The following TARS2 variants were observed in gnomAD, a reference collection of about 807,000 sequenced individuals.
The protein encoded by TARS2 is threonine--tRNA ligase, mitochondrial.
TARS2 carries 61 observed loss-of-function variants against 94.4 expected under a neutral mutation model. The ratio of observed to expected loss-of-function variants is 0.65; its 90% CI spans 0.53 to 0.80. The LOEUF (loss-of-function observed/expected upper bound fraction) is 0.80, where lower values mean the gene tolerates loss of function less well. TARS2 is among the 30% of genes least tolerant of loss of function. The pLI is 0.00. For synonymous variants in TARS2, 359 were observed against 353.4 expected, an observed-to-expected ratio of 1.02 and a Z score of -0.18; for missense variants, 704 against 902.5, an observed-to-expected ratio of 0.78 and a Z score of 2.82.
At chr1:150,501,147 A>T (rs1360120638) in intron 13 of TARS2, among the ~76,000 whole-genome samples, 2 of 151,796 alleles carry the variant, frequency 1.3e-5, no homozygotes, top group Admixed American at 6.6e-5. Context: ...GGGGCTGAAG[A>T]TATGAAGAAA....
rs587626995 is a variant in TARS2, at chr1:150,499,555, G to T, written c.1617+262G>T. On this transcript the variant is annotated intron_variant, in intron 13 of 17. Coordinates refer to ENST00000369064, the MANE Select transcript of TARS2 (RefSeq NM_025150.5). Reference sequence around the variant, plus strand: ...ATTTTTTTGTATTTTTAATAGAGATGGGGTTTCGCCATGTTGGCCAGACTG... The same window carrying T: ...ATTTTTTTGTATTTTTAATAGAGATTGGGTTTCGCCATGTTGGCCAGACTG... 2.0e-5 allele frequency among the ~76,000 whole-genome samples: 3 copies of T among 151,954 alleles called. No individual in the cohort carries two copies. In the East Asian group the frequency reaches 5.8e-4, roughly 29 times the overall value.
Position 150,499,200 on chromosome 1 carries a change from T to C in TARS2, c.1540-16T>C. The C allele has an allele frequency of 6.2e-7, 1 of 1,614,066 alleles. No individual in the cohort carries two copies. The highest frequency in any genetic ancestry group is 8.5e-7 in the Non-Finnish European group (1 of 1,179,964). On this transcript the variant is annotated splice_polypyrimidine_tract_variant and intron_variant, in intron 12 of 17. Coordinates refer to ENST00000369064, the MANE Select transcript of TARS2 (RefSeq NM_025150.5). ...TCTAAGATGATGTATTCCACTCTTGTCTCATTCCTTCAAAGGTCCTTAAAC... is the reference window on the plus strand; with the variant it reads ...TCTAAGATGATGTATTCCACTCTTGCCTCATTCCTTCAAAGGTCCTTAAAC...
intron 13 of TARS2, 139 bp downstream of exon 13, chr1:150,499,432 C>T (rs1044296949): frequency 1.3e-5 from 10 of 745,438 alleles, no homozygotes; most frequent in Non-Finnish European, 1.9e-5. Flanking sequence ...GGTGTGATCT[C>T]AGCTCACTGC....
chr1:150,490,112 G>GTA (rs1669315849), intron 3 of TARS2, among the ~76,000 whole-genome samples: 4 of 94,382 alleles, frequency 4.2e-5, no homozygotes, highest in Admixed American at 3.1e-4. Context: ...TTTCTATTCA[G>GTA]TCTTTTTTTT....
At position 150,498,907 on chromosome 1, in the gene TARS2, A is replaced by C; in HGVS notation, c.1412A>C (p.Glu471Ala). The change falls in exon 12 of 18, where the codon GAG becomes GCG. Residue 471 changes from glutamate to alanine, a missense_variant. By Grantham distance (107) the Glu-to-Ala change is moderately radical. Transcript: ENST00000369064. Reference sequence around the variant, plus strand: ...ATTTCCTGCCCCTAGCTGGAAGCAGAGATCCAAAGCTGTCTTGATTTCCTC... The same window carrying C: ...ATTTCCTGCCCCTAGCTGGAAGCAGCGATCCAAAGCTGTCTTGATTTCCTC... ...IFCTTDQLEA[E>A]IQSCLDFLRS... 6.2e-7 allele frequency: 1 copy of C among 1,614,184 alleles called. No homozygotes were observed. The highest frequency in any genetic ancestry group is 8.5e-7 in the Non-Finnish European group (1 of 1,180,042).
intron 17 of TARS2, among the ~76,000 whole-genome samples, chr1:150,505,921 C>T (rs587771052): frequency 8.5e-5 from 13 of 152,312 alleles, no homozygotes; most frequent in African/African-American, 2.9e-4. Context: ...AATAGTTTTC[C>T]TCTTTTTAAC....
At position 150,506,486 on chromosome 1, in the gene TARS2, GCACA is replaced by G. The variant is rs10581752; in HGVS notation, c.2009-403_2009-400del. Among the ~76,000 whole-genome samples, 587 of 123,626 alleles carry G rather than the reference GCACA, an allele frequency of 4.7e-3. 9 individuals carry two copies. Among genetic ancestry groups the G allele is most frequent in the Middle Eastern group, 0.024 (6 of 248 alleles). The allele number at this position is 123,626 out of a possible 152,430, so 81.1% of individuals were successfully genotyped here. A position where few individuals can be genotyped will look rare whatever the true frequency, so the allele number is the denominator to read the frequency against. ...TAATACCCCCTTCAGACACGCGCGC[GCACA>G]CACACACACACACACACACACACAC... On this transcript the variant is annotated intron_variant, in intron 17 of 17. Transcript: ENST00000369064.
chr1:150,495,051 C>T (rs1188066759), intron 7 of TARS2, among the ~76,000 whole-genome samples: 4 of 151,878 alleles, frequency 2.6e-5, no homozygotes, highest in South Asian at 2.1e-4. Context: ...AGGTGGCGGG[C>T]GCCTGTAGTC....
Position 150,490,711 on chromosome 1 carries a change from C to G in TARS2, c.498C>G (p.Phe166Leu), listed in dbSNP as rs1669344701. 6.2e-7 allele frequency: 1 copy of G among 1,613,506 alleles called. No individual in the cohort carries two copies. Among genetic ancestry groups the G allele is most frequent in the African/African-American group, 1.3e-5 (1 of 74,836 alleles). The change falls in exon 4 of 18, where the codon TTC becomes TTG. Residue 166 changes from phenylalanine to leucine, a missense_variant. Around this residue, in one of 3 missense-constraint regions of TARS2, gnomAD observed 208 missense variants for 228.5 expected, o/e 0.91. Coordinates refer to ENST00000369064, the MANE Select transcript of TARS2 (RefSeq NM_025150.5). ...STEYGFYHDF[F>L]LGKERTIRGS... is the part of the protein sequence containing the mutation. ...AATATGGCTTTTACCATGATTTCTT[C>G]CTGGGAAAGGAGAGGTGAGTAATGA...
At chr1:150,500,423 CT>C (rs138762690) in intron 13 of TARS2, among the ~76,000 whole-genome samples, 12,416 of 151,776 alleles carry the variant, frequency 0.082, 668 homozygotes, top group Non-Finnish European at 0.12. Context: ...AACCCCATCT[CT>C]ACTAAAAATA....
intron 13 of TARS2, among the ~76,000 whole-genome samples, chr1:150,501,763 G>A (rs1669932474): frequency 1.3e-5 from 2 of 152,110 alleles, no homozygotes; most frequent in Non-Finnish European, 1.5e-5. Context: ...GGCTGCATGA[G>A]CTATGATCAA....
rs769416403 is a variant in TARS2 at position 150,505,692 on chromosome 1, C to T, written c.1995C>T (p.Tyr665=). The change falls in exon 17 of 18, where the codon TAC becomes TAT. Residue 665 remains tyrosine (Y), a synonymous_variant. Coordinates refer to ENST00000369064, the MANE Select transcript of TARS2 (RefSeq NM_025150.5). The part of the protein sequence containing the change: ...RRIRRAQLAH[Y]NFQFVVGQKE... ...TCCGCCGGGCCCAGCTTGCCCACTA[C>T]AATTTTCAGTTTGGTAAGCTGAACC... The T allele has an allele frequency of 6.8e-6, 11 of 1,613,706 alleles. No individual in the cohort carries two copies. The East Asian group carries it at 2.2e-4, about 33-fold the overall frequency.
At chr1:150,492,725 G>A (rs1390236070) in intron 7 of TARS2, among the ~76,000 whole-genome samples, 1 of 149,112 alleles carries the variant, frequency 6.7e-6, no homozygotes, top group African/African-American at 2.5e-5. Flanking sequence ...CAGGAGAGTT[G>A]CCTGAACCTG....
chr1:150,503,393 G>A (rs1165239451), intron 13 of TARS2, among the ~76,000 whole-genome samples: 1 of 151,808 alleles, frequency 6.6e-6, no homozygotes, highest in Non-Finnish European at 1.5e-5. Context: ...CCATTAATAG[G>A]AATAATTGTC....
intron 2 of TARS2, 53 bp downstream of exon 2, chr1:150,488,107 C>T: frequency 1.3e-6 from 2 of 1,576,968 alleles, no homozygotes; most frequent in Non-Finnish European, 1.7e-6. Flanking sequence ...CCTTTACTTT[C>T]TCTTCACTTG....
rs1669666354 is a variant in TARS2 at position 150,496,451 on chromosome 1, C to A, written c.775-31C>A. The A allele has an allele frequency of 2.5e-6, 4 of 1,576,136 alleles. No homozygotes were observed. The East Asian group carries it at 9.0e-5, about 36-fold the overall frequency. On this transcript the variant is annotated intron_variant, in intron 7 of 17. Transcript: ENST00000369064. ...AAAGGTGGGGGCCTTCAGTCCTCAT[C>A]TTTCCTTTGATCCCCTATGTCCTCA...
chr1:150,488,387 T>C (rs921621679), intron 2 of TARS2: 12 of 198,842 alleles, frequency 6.0e-5, no homozygotes, highest in East Asian at 1.2e-4. Flanking sequence ...TGTCCTTTCA[T>C]TGGGGAAAGA....
rs587757615 is a variant in TARS2 at position 150,499,656 on chromosome 1, G to A, written c.1617+363G>A. Among the ~76,000 whole-genome samples the A allele has an allele frequency of 1.0e-3, 159 of 152,044 alleles. 1 individual carries two copies. Among genetic ancestry groups the A allele is most frequent in the African/African-American group, 3.4e-3 (143 of 41,484 alleles). Reference sequence around the variant, plus strand: ...GCTGGGATTACAGGCGTGAGCCACCGCACCCGGCCACAAAGAAATATTTTT... The same window carrying A: ...GCTGGGATTACAGGCGTGAGCCACCACACCCGGCCACAAAGAAATATTTTT... On this transcript the variant is annotated intron_variant, in intron 13 of 17. Coordinates refer to ENST00000369064, the MANE Select transcript of TARS2 (RefSeq NM_025150.5).
At chr1:150,497,414 ATAGGTTGT>A in intron 9 of TARS2, 108 bp from the exon 10 acceptor site, 1 of 874,302 alleles carries the variant, frequency 1.1e-6, no homozygotes, top group African/African-American at 1.6e-5. Flanking sequence ...CTGGTATTTA[ATAGGTTGT>A]GGTTGCAATC....
Sources: allele counts gnomAD v4.1 joint callset (sites outside exome capture counted in the v4.1 genomes callset), GRCh38; gene constraint gnomAD v4.1.1; regional missense constraint gnomAD v4.1.1; transcripts MANE v1.5; gene names NCBI Gene and HGNC (gene_info 2026-07-23, HGNC 2026-07-21).